The following ZNF385D variants were observed in gnomAD, a reference collection of about 807,000 sequenced individuals.
ZNF385D encodes the protein zinc finger protein 659.
In ZNF385D, 15 loss-of-function variants were observed where a neutral mutation model predicts 35.8. That is an observed-to-expected ratio of 0.42 (90% confidence interval 0.28 to 0.64). The LOEUF (loss-of-function observed/expected upper bound fraction) is 0.64, where lower values mean the gene tolerates loss of function less well. Among genes scored for constraint, ZNF385D ranks in the 30% least tolerant of loss-of-function variants. ZNF385D has a pLI of 0.23. For missense variants in ZNF385D, 474 were observed against 494.6 expected (o/e 0.96, Z 0.39); for synonymous variants, 212 against 186.8 (o/e 1.13, Z -1.10).
rs532863928 is a variant in ZNF385D at position 21,597,339 on chromosome 3, G to A, written c.166-32655C>T. Among the ~76,000 whole-genome samples the A allele has an allele frequency of 1.5e-4, 23 of 150,688 alleles. 1 individual carries two copies. In the South Asian group the frequency reaches 1.7e-3, roughly 11 times the overall value. On this transcript the variant is annotated intron_variant, in intron 2 of 7. Transcript: ENST00000281523. ...CAATGTTCCCGCAACTATTTTCAACGTATGTTAAAAACTGTTAATTCAAAA... is the reference window on the plus strand; with the variant it reads ...CAATGTTCCCGCAACTATTTTCAACATATGTTAAAAACTGTTAATTCAAAA...
intron 4 of ZNF385D, among the ~76,000 whole-genome samples, chr3:21,463,668 A>G (rs1360063123): frequency 6.6e-6 from 1 of 152,124 alleles, no homozygotes; most frequent in Non-Finnish European, 1.5e-5. Context: ...ATGCCTACAG[A>G]TATGAAAAGA....
intron 3 of ZNF385D, among the ~76,000 whole-genome samples, chr3:21,823,731 A>C (rs1694421937): frequency 6.6e-6 from 1 of 152,214 alleles, no homozygotes; most frequent in Non-Finnish European, 1.5e-5. Flanking sequence ...ATGTTTCCAA[A>C]GAATACACAG....
At chr3:22,231,636 T>A (rs758693304) in intron 2 of ZNF385D, among the ~76,000 whole-genome samples, 19 of 152,116 alleles carry the variant, frequency 1.2e-4, no homozygotes, top group South Asian at 2.1e-4. Context: ...TCCTTTTCTG[T>A]GCCTCCTTCT....
At chr3:22,043,390 T>C (rs1181324876) in intron 3 of ZNF385D, among the ~76,000 whole-genome samples, 1 of 152,142 alleles carries the variant, frequency 6.6e-6, no homozygotes, top group Non-Finnish European at 1.5e-5. Context: ...AAACCATGCA[T>C]GCTACAAACA....
chr3:21,850,219 C>T (rs1457508872), intron 3 of ZNF385D, among the ~76,000 whole-genome samples: 1 of 152,030 alleles, frequency 6.6e-6, no homozygotes, highest in African/African-American at 2.4e-5. Flanking sequence ...AAACTTGTTC[C>T]ACATTAGCCC....
At chr3:21,806,243 A>G (rs2072640430) in intron 3 of ZNF385D, among the ~76,000 whole-genome samples, 1 of 143,132 alleles carries the variant, frequency 7.0e-6, no homozygotes, top group South Asian at 2.2e-4. Flanking sequence ...GGGGGAGGTT[A>G]TACCAATCTA....
chr3:22,259,442 G>C (rs117672011), intron 2 of ZNF385D, among the ~76,000 whole-genome samples: 1,938 of 151,904 alleles, frequency 0.013, 63 homozygotes, highest in South Asian at 0.09. Flanking sequence ...TCTGTCAGTT[G>C]TTCTTTCAAG....
intron 3 of ZNF385D, among the ~76,000 whole-genome samples, chr3:21,519,978 C>T (rs912617319): frequency 2.0e-5 from 3 of 152,182 alleles, no homozygotes; most frequent in Non-Finnish European, 2.9e-5. Context: ...ATAAAATGTG[C>T]GTCTCCTCTA....
At chr3:21,996,670 AT>A (rs5847154) in intron 3 of ZNF385D, among the ~76,000 whole-genome samples, 49 of 152,278 alleles carry the variant, frequency 3.2e-4, no homozygotes, top group African/African-American at 1.1e-3. Flanking sequence ...ACTTACATAC[AT>A]TTTTTTAAAA....
chr3:21,510,393 A>G (rs576203076), intron 4 of ZNF385D, among the ~76,000 whole-genome samples: 1 of 152,206 alleles, frequency 6.6e-6, no homozygotes, highest in Admixed American at 6.5e-5. Flanking sequence ...ACTACTTAAA[A>G]CAATGCAGTA....
intron 3 of ZNF385D, among the ~76,000 whole-genome samples, chr3:22,121,609 A>G (rs1369930579): frequency 2.0e-5 from 3 of 152,114 alleles, no homozygotes. Context: ...AACAGTAATC[A>G]TACCTACTGG....
intron 3 of ZNF385D, among the ~76,000 whole-genome samples, chr3:21,893,750 G>A (rs962357751): frequency 2.0e-5 from 3 of 152,120 alleles, no homozygotes; most frequent in Non-Finnish European, 2.9e-5. Context: ...AGCTATTTTA[G>A]AACTCAGAGA....
chr3:22,090,968 A>T (rs1701301098), intron 3 of ZNF385D, among the ~76,000 whole-genome samples: 1 of 152,152 alleles, frequency 6.6e-6, no homozygotes, highest in African/African-American at 2.4e-5. Flanking sequence ...ATACAAAAAG[A>T]CTACATGGCA....
At chr3:22,093,471 C>T (rs1701435828) in intron 3 of ZNF385D, among the ~76,000 whole-genome samples, 1 of 151,812 alleles carries the variant, frequency 6.6e-6, no homozygotes, top group Admixed American at 6.6e-5. Context: ...AATGGCTGAA[C>T]AAAATTTATC....
At chr3:21,908,181 T>C (rs1203206244) in intron 3 of ZNF385D, among the ~76,000 whole-genome samples, 1 of 151,348 alleles carries the variant, frequency 6.6e-6, no homozygotes, top group Non-Finnish European at 1.5e-5. Flanking sequence ...TATATATGTA[T>C]AAAGGATTCT....
chr3:21,970,841 A>G (rs935912087), intron 3 of ZNF385D, among the ~76,000 whole-genome samples: 3 of 152,114 alleles, frequency 2.0e-5, no homozygotes, highest in Non-Finnish European at 4.4e-5. Flanking sequence ...ATAACATGCA[A>G]TGGAGCTTCA....
At chr3:22,087,238 C>A (rs1324552960) in intron 3 of ZNF385D, among the ~76,000 whole-genome samples, 1 of 147,504 alleles carries the variant, frequency 6.8e-6, no homozygotes, top group Admixed American at 6.7e-5. Context: ...CTTTTTTTTT[C>A]ACTGTGGCCA....
intron 3 of ZNF385D, among the ~76,000 whole-genome samples, chr3:21,960,068 C>T: frequency 6.8e-6 from 1 of 146,404 alleles, no homozygotes; most frequent in African/African-American, 2.5e-5. Context: ...AGCCAAAAAT[C>T]TTCTGTACAG....
intron 3 of ZNF385D, among the ~76,000 whole-genome samples, chr3:21,886,866 T>C (rs73042619): frequency 2.0e-3 from 304 of 152,304 alleles, no homozygotes; most frequent in Non-Finnish European, 3.6e-3. Context: ...TGTGGTGTGA[T>C]TGGATCAGCA....
Sources: gnomAD v4.1 joint callset for allele counts (sites outside exome capture counted in the v4.1 genomes callset) on GRCh38, gnomAD v4.1.1 for gene constraint, MANE v1.5 for transcripts, NCBI Gene and HGNC (gene_info 2026-07-23, HGNC 2026-07-21) for gene names.